Variants in FRMD4A observed in about 807,000 individuals in gnomAD.
FRMD4A encodes the protein FERM domain containing 4A.
In FRMD4A, 29 loss-of-function variants were observed where a neutral mutation model predicts 129.1. The observed-to-expected ratio is 0.22, with a 90% CI of 0.17 to 0.31. The LOEUF (loss-of-function observed/expected upper bound fraction) is 0.31. Among genes scored for constraint, FRMD4A ranks in the 10% least tolerant of loss-of-function variants. The probability of loss-of-function intolerance (pLI) is 1.00; values close to 1 mark genes in which losing one functional copy is unlikely to be tolerated. For synonymous variants in FRMD4A, 634 were observed against 571.6 expected (o/e 1.11, Z -1.56); for missense variants, 1,272 against 1,375.8 (o/e 0.92, Z 1.19).
chr10:14,052,408 TAC>T (rs1834303374), intron 2 of FRMD4A, among the ~76,000 whole-genome samples: 2 of 152,220 alleles, frequency 1.3e-5, no homozygotes, highest in Admixed American at 1.3e-4. Flanking sequence ...TTATTTGGCT[TAC>T]AGTTTTGCAG....
At chr10:13,804,791 C>G (rs1470820672) in intron 4 of FRMD4A, among the ~76,000 whole-genome samples, 1 of 149,650 alleles carries the variant, frequency 6.7e-6, no homozygotes, top group East Asian at 1.9e-4. Flanking sequence ...ATCTCTTGAC[C>G]TTGTGATCTG....
intron 21 of FRMD4A, among the ~76,000 whole-genome samples, chr10:13,658,043 T>G (rs1478185022): frequency 2.1e-5 from 3 of 145,852 alleles, no homozygotes; most frequent in Admixed American, 1.4e-4. Context: ...GTCAGGAGGT[T>G]GAAGAGGGAG....
At chr10:14,121,085 T>C (rs542021931) in intron 2 of FRMD4A, among the ~76,000 whole-genome samples, 1 of 152,306 alleles carries the variant, frequency 6.6e-6, no homozygotes, top group African/African-American at 2.4e-5. Context: ...ACACAGATTC[T>C]GGCCGGGTGT....
chr10:14,252,787 TCC>T (rs1844484120), intron 2 of FRMD4A, among the ~76,000 whole-genome samples: 2 of 152,242 alleles, frequency 1.3e-5, no homozygotes, highest in Non-Finnish European at 2.9e-5. Context: ...ATTATTTTAT[TCC>T]TCAAACTTTG....
chr10:13,955,783 T>A (rs1247530248), intron 2 of FRMD4A, among the ~76,000 whole-genome samples: 1 of 152,212 alleles, frequency 6.6e-6, no homozygotes, highest in Non-Finnish European at 1.5e-5. Flanking sequence ...TATGTGGAGA[T>A]AACCAGCCTT....
chr10:13,755,408 T>C (rs1000034949), intron 8 of FRMD4A, among the ~76,000 whole-genome samples: 1 of 152,336 alleles, frequency 6.6e-6, no homozygotes, highest in South Asian at 2.1e-4. Context: ...TTTTGGGCCA[T>C]AAAAATTTCT....
Position 14,054,785 on chromosome 10 carries a change from TG to T in FRMD4A, c.46-195874del, listed in dbSNP as rs1242003511. Reference sequence around the variant, plus strand: ...GACCTCGTGGGAGGTAACTGAATCGTGGGGGCAGGGTTTTCCCCTGCTGTTC... The same window carrying T: ...GACCTCGTGGGAGGTAACTGAATCGTGGGGCAGGGTTTTCCCCTGCTGTTC... On this transcript the variant is annotated intron_variant, in intron 2 of 24. Transcript: ENST00000357447. Among the ~76,000 whole-genome samples, 6 of 152,214 alleles carry T rather than the reference TG, an allele frequency of 3.9e-5. No homozygotes were observed. The East Asian group carries it at 1.2e-3, about 29-fold the overall frequency.
intron 2 of FRMD4A, among the ~76,000 whole-genome samples, chr10:14,035,576 A>G (rs890866435): frequency 2.0e-5 from 3 of 152,238 alleles, no homozygotes; most frequent in Admixed American, 1.3e-4. Flanking sequence ...TTAGCTTGAT[A>G]GAAAAATCCT....
intron 9 of FRMD4A, among the ~76,000 whole-genome samples, chr10:13,743,803 C>G (rs544922112): frequency 2.0e-5 from 3 of 152,094 alleles, no homozygotes; most frequent in African/African-American, 2.4e-5. Flanking sequence ...CAATCCTGAC[C>G]GAGAACCTAT....
At chr10:14,152,612 G>A (rs1274838777) in intron 2 of FRMD4A, among the ~76,000 whole-genome samples, 3 of 152,160 alleles carry the variant, frequency 2.0e-5, no homozygotes, top group Non-Finnish European at 2.9e-5. Flanking sequence ...CGGGCGCGGT[G>A]GCTCGCTTGA....
At chr10:14,046,083 A>T (rs1833982878) in intron 2 of FRMD4A, among the ~76,000 whole-genome samples, 1 of 151,726 alleles carries the variant, frequency 6.6e-6, no homozygotes, top group Non-Finnish European at 1.5e-5. Flanking sequence ...ACTAAAACAG[A>T]ATTTATTTAA....
intron 2 of FRMD4A, among the ~76,000 whole-genome samples, chr10:13,937,815 C>G (rs1490175575): frequency 6.6e-6 from 1 of 152,224 alleles, no homozygotes. Flanking sequence ...GTAGACAAAT[C>G]TCTTAATTGT....
chr10:13,826,658 C>T (rs1244048374), intron 3 of FRMD4A, among the ~76,000 whole-genome samples: 1 of 152,106 alleles, frequency 6.6e-6, no homozygotes, highest in Non-Finnish European at 1.5e-5. Flanking sequence ...GGATGACTGG[C>T]AGGTGCATGT....
chr10:14,031,938 C>T (rs1035519439), intron 2 of FRMD4A, among the ~76,000 whole-genome samples: 4 of 151,990 alleles, frequency 2.6e-5, no homozygotes, highest in African/African-American at 9.7e-5. Context: ...ATGTTTAATC[C>T]CTTTAGAGTC....
At chr10:13,731,808 T>C (rs991309734) in intron 12 of FRMD4A, among the ~76,000 whole-genome samples, 10 of 152,072 alleles carry the variant, frequency 6.6e-5, no homozygotes, top group Non-Finnish European at 1.5e-5. Context: ...TGTTTGCTGC[T>C]TTTTTTAGGG....
chr10:14,085,620 T>A (rs1349894579), intron 2 of FRMD4A, among the ~76,000 whole-genome samples: 1 of 152,164 alleles, frequency 6.6e-6, no homozygotes, highest in African/African-American at 2.4e-5. Flanking sequence ...CTGCCTCCCA[T>A]GTGAGAGGCC....
At chr10:14,292,761 C>T (rs781424484) in intron 2 of FRMD4A, among the ~76,000 whole-genome samples, 7 of 152,072 alleles carry the variant, frequency 4.6e-5, no homozygotes, top group Non-Finnish European at 8.8e-5. Flanking sequence ...GATCACACCA[C>T]TGCACTCTAG....
At chr10:13,928,224 G>A (rs748729148) in intron 2 of FRMD4A, among the ~76,000 whole-genome samples, 2 of 151,792 alleles carry the variant, frequency 1.3e-5, no homozygotes, top group Non-Finnish European at 2.9e-5. Flanking sequence ...GTCTTGCTAC[G>A]TTGCCTAGGC....
At chr10:13,899,044 G>T (rs879579010) in intron 2 of FRMD4A, among the ~76,000 whole-genome samples, 1 of 152,020 alleles carries the variant, frequency 6.6e-6, no homozygotes, top group South Asian at 2.1e-4. Context: ...AAATTAGCTG[G>T]GTTTGCACCT....
Sources: gnomAD v4.1 joint callset for allele counts (sites outside exome capture counted in the v4.1 genomes callset) on GRCh38, gnomAD v4.1.1 for gene constraint, MANE v1.5 for transcripts, NCBI Gene and HGNC (gene_info 2026-07-23, HGNC 2026-07-21) for gene names.